The following SGCG variants were observed in gnomAD, a reference collection of about 807,000 sequenced individuals.
The protein encoded by SGCG is gamma-sarcoglycan.
Under a neutral mutation model 29.3 loss-of-function variants are expected in SGCG, and 26 were observed. The ratio of observed to expected loss-of-function variants is 0.89; its 90% CI spans 0.65 to 1.23. SGCG has a LOEUF of 1.23. SGCG is among the 50% of genes most tolerant of loss of function. The probability of loss-of-function intolerance (pLI) is 0.00; values close to 1 mark genes in which losing one functional copy is unlikely to be tolerated. For synonymous variants in SGCG, 145 were observed against 129.7 expected (o/e 1.12, Z -0.80); for missense variants, 353 against 356.0 (o/e 0.99, Z 0.07).
intron 6 of SGCG, among the ~76,000 whole-genome samples, chr13:23,309,672 TAAG>T (rs1221866252): frequency 1.3e-5 from 2 of 152,326 alleles, no homozygotes; most frequent in South Asian, 2.1e-4. Flanking sequence ...ATTATCAAAT[TAAG>T]AAAGTTCCAT....
At chr13:23,196,771 T>C (rs9580560) in intron 1 of SGCG, among the ~76,000 whole-genome samples, 69,955 of 152,042 alleles carry the variant, frequency 0.46, 16,262 homozygotes, top group Admixed American at 0.51. Flanking sequence ...TCCTCCTTTC[T>C]GAAATGTTGG....
chr13:23,302,283 T>C (rs1882190731), intron 6 of SGCG, among the ~76,000 whole-genome samples: 1 of 151,470 alleles, frequency 6.6e-6, no homozygotes, highest in South Asian at 2.1e-4. Context: ...ATATATATAA[T>C]TACTTCTAGT....
chr13:23,307,479 T>TA (rs1032306443), intron 6 of SGCG, among the ~76,000 whole-genome samples: 5 of 152,332 alleles, frequency 3.3e-5, no homozygotes, highest in Non-Finnish European at 7.4e-5. Flanking sequence ...TTTACAGAAA[T>TA]AATGAAATCC....
At chr13:23,166,951 T>A in the SGCG span, among the ~76,000 whole-genome samples, 6 of 152,170 alleles carry the variant, frequency 3.9e-5, no homozygotes, top group Non-Finnish European at 8.8e-5. Context: ...AGTGTAAAAT[T>A]AAATTATTAT....
chr13:23,215,932 A>T (rs200191445), intron 2 of SGCG, among the ~76,000 whole-genome samples: 1 of 90,928 alleles, frequency 1.1e-5, no homozygotes, highest in Non-Finnish European at 2.4e-5. Context: ...TTACAAGACT[A>T]TGTGCACAAA....
Position 23,324,508 on chromosome 13 carries a change from C to T in SGCG, c.843C>T (p.Thr281=), listed in dbSNP as rs1566049936. ...ACCTGTCTGTGGCCGGTGTGAGCAC[C>T]ACGTGCCAGGAGCACAACCACATCT... ...KLYLSVAGVS[T]TCQEHNHICL is the part of the protein sequence containing the mutation. Residue 281 remains threonine (T), a synonymous_variant, in exon 8 of 8, where the codon ACC becomes ACT. Transcript: ENST00000218867. The T allele has an allele frequency of 1.2e-6, 2 of 1,612,962 alleles. No individual in the cohort carries two copies. Among genetic ancestry groups the T allele is most frequent in the South Asian group, 2.2e-5 (2 of 91,028 alleles).
chr13:23,182,035 GA>G (rs972186459), intron 1 of SGCG, among the ~76,000 whole-genome samples: 5 of 152,272 alleles, frequency 3.3e-5, no homozygotes, highest in African/African-American at 1.2e-4. Context: ...AAAGACAAAT[GA>G]AAAGTAGCAT....
At chr13:23,253,068 T>G (rs2137572839) in intron 4 of SGCG, among the ~76,000 whole-genome samples, 1 of 151,864 alleles carries the variant, frequency 6.6e-6, no homozygotes, top group East Asian at 1.9e-4. Flanking sequence ...GTTTTAAAGG[T>G]TTTGTTTTGT....
intron 4 of SGCG, among the ~76,000 whole-genome samples, chr13:23,266,761 G>A (rs947571408): frequency 6.6e-6 from 1 of 152,094 alleles, no homozygotes; most frequent in African/African-American, 2.4e-5. Flanking sequence ...TCTTGCTTCT[G>A]TTCTTGCCAT....
intron 4 of SGCG, among the ~76,000 whole-genome samples, chr13:23,264,319 A>G (rs995386889): frequency 4.0e-5 from 6 of 151,444 alleles, no homozygotes; most frequent in African/African-American, 1.4e-4. Flanking sequence ...CAAGAAGTCA[A>G]TTCATTTTAC....
intron 2 of SGCG, among the ~76,000 whole-genome samples, chr13:23,227,625 G>T (rs112928103): frequency 0.046 from 6,990 of 152,138 alleles, 190 homozygotes; most frequent in South Asian, 0.074. Flanking sequence ...ACATCCACGT[G>T]GATGGACATC....
intron 6 of SGCG, among the ~76,000 whole-genome samples, chr13:23,307,254 A>G (rs1882394340): frequency 1.3e-5 from 2 of 152,182 alleles, no homozygotes; most frequent in Non-Finnish European, 2.9e-5. Context: ...TAGATGTTTA[A>G]TCATAGCCAT....
chr13:23,318,593 AC>A (rs1411988404), intron 6 of SGCG, among the ~76,000 whole-genome samples: 1 of 152,146 alleles, frequency 6.6e-6, no homozygotes, highest in East Asian at 1.9e-4. Flanking sequence ...AAGAGGGTAA[AC>A]TAAAATATAA....
chr13:23,190,008 A>T (rs1359980), intron 1 of SGCG, among the ~76,000 whole-genome samples: 101,464 of 151,920 alleles, frequency 0.67, 34,142 homozygotes, highest in Middle Eastern at 0.75. Flanking sequence ...GAGGTCATTG[A>T]TAGTGTGATT....
chr13:23,194,583 A>G (rs1877410564), intron 1 of SGCG, among the ~76,000 whole-genome samples: 1 of 152,188 alleles, frequency 6.6e-6, no homozygotes, highest in Non-Finnish European at 1.5e-5. Context: ...TAGGTCCATT[A>G]ACTTCTGATA....
rs529939945 is a variant in SGCG, at chr13:23,286,603, T to C, written c.505+7125T>C. Among the ~76,000 whole-genome samples the C allele has an allele frequency of 2.0e-5, 3 of 152,372 alleles. No homozygotes were observed. The East Asian group carries it at 5.8e-4, about 29-fold the overall frequency. On this transcript the variant is annotated intron_variant, in intron 5 of 7. Coordinates refer to ENST00000218867, the MANE Select transcript of SGCG (RefSeq NM_000231.3). ...ACTAAACCCTATATATGCTGCACTG[T>C]GTTTTTTCTTATACATACATACTGT...
intron 1 of SGCG, among the ~76,000 whole-genome samples, chr13:23,181,743 C>A (rs1426462245): frequency 6.6e-6 from 1 of 152,118 alleles, no homozygotes; most frequent in East Asian, 1.9e-4. Flanking sequence ...GTTATGAGTT[C>A]TTTCTTTGCG....
chr13:23,324,266 A>T, intron 7 of SGCG, 102 bp from the exon 8 acceptor site: 1 of 1,107,776 alleles, frequency 9.0e-7, no homozygotes, highest in Non-Finnish European at 1.4e-6. Context: ...TTTGTTTTCT[A>T]TGAGGAGAAG....
At chr13:23,312,663 G>A (rs147819537) in intron 6 of SGCG, among the ~76,000 whole-genome samples, 7 of 152,190 alleles carry the variant, frequency 4.6e-5, no homozygotes, top group East Asian at 1.9e-4. Context: ...CATGCCATTC[G>A]GGCAATGGTT....
Sources: allele counts gnomAD v4.1 joint callset (sites outside exome capture counted in the v4.1 genomes callset), GRCh38; gene constraint gnomAD v4.1.1; transcripts MANE v1.5; gene names NCBI Gene and HGNC (gene_info 2026-07-23, HGNC 2026-07-21).